The following EBF2 variants were observed in gnomAD, a reference collection of about 807,000 sequenced individuals.
EBF2 encodes transcription factor COE2.
EBF2 carries 21 observed loss-of-function variants against 72.8 expected under a neutral mutation model. The observed-to-expected ratio is 0.29, with a 90% confidence interval of 0.20 to 0.42. EBF2 has a LOEUF of 0.42. Among genes scored for constraint, EBF2 ranks in the 10% least tolerant of loss-of-function variants. The probability of loss-of-function intolerance (pLI) is 1.00; values close to 1 mark genes in which losing one functional copy is unlikely to be tolerated. For synonymous variants in EBF2, 299 were observed against 274.2 expected (o/e 1.09, Z -0.89); for missense variants, 637 against 731.2 (o/e 0.87, Z 1.49).
Position 26,044,979 on chromosome 8 carries a change from G to C in EBF2, c.-120C>G. On this transcript the variant is annotated 5_prime_UTR_variant, in exon 1 of 16. Transcript: ENST00000520164. This position sits in a 1 kb window ranked among gnomAD's most constrained non-coding sequence, Gnocchi z 4.1. ...AGCAATCCAAGAAAAGGGATCAAGT[G>C]CCCAAGTTTGAGTCTTAGAAAAAAA... 1 of 1,108,292 alleles carries C rather than the reference G, an allele frequency of 9.0e-7. No individual in the cohort carries two copies. Among genetic ancestry groups the C allele is most frequent in the Non-Finnish European group, 1.3e-6 (1 of 791,608 alleles). 68.7% of individuals were successfully genotyped at this position (1,108,292 alleles called of 1,614,324 possible).
At chr8:25,864,834 G>C (rs1286785073) in intron 10 of EBF2, among the ~76,000 whole-genome samples, 8 of 144,580 alleles carry the variant, frequency 5.5e-5, no homozygotes, top group Non-Finnish European at 1.0e-4. Context: ...GTCTCACTCT[G>C]TCACCCAGGC....
At chr8:25,869,647 T>C (rs1414493683) in intron 10 of EBF2, among the ~76,000 whole-genome samples, 1 of 152,160 alleles carries the variant, frequency 6.6e-6, no homozygotes, top group African/African-American at 2.4e-5. Flanking sequence ...TAGCCGTATG[T>C]TTAAGTAGAA....
At chr8:25,879,222 C>A (rs1029737725) in intron 10 of EBF2, among the ~76,000 whole-genome samples, 4 of 152,068 alleles carry the variant, frequency 2.6e-5, no homozygotes, top group Non-Finnish European at 5.9e-5. Context: ...ATCACAGATG[C>A]CTTTCATGTA....
chr8:25,916,934 G>C (rs1390728727), intron 6 of EBF2, among the ~76,000 whole-genome samples: 1 of 152,086 alleles, frequency 6.6e-6, no homozygotes, highest in Non-Finnish European at 1.5e-5. Flanking sequence ...CATTCATTTA[G>C]ACATCAGGAA....
At chr8:25,992,459 T>C (rs1315547067) in intron 6 of EBF2, among the ~76,000 whole-genome samples, 2 of 151,550 alleles carry the variant, frequency 1.3e-5, no homozygotes, top group East Asian at 3.9e-4. Flanking sequence ...CTGCACAACG[T>C]GTCTCATGGT....
At chr8:25,928,794 A>AAC (rs1803432360) in intron 6 of EBF2, among the ~76,000 whole-genome samples, 1 of 150,912 alleles carries the variant, frequency 6.6e-6, no homozygotes, top group African/African-American at 2.4e-5. Flanking sequence ...AAAAAAAAAA[A>AAC]AAAAAAACCA....
chr8:26,012,537 C>A (rs1284891854), intron 6 of EBF2, among the ~76,000 whole-genome samples: 1 of 152,124 alleles, frequency 6.6e-6, no homozygotes, highest in Non-Finnish European at 1.5e-5. Flanking sequence ...CAGGCCCTTT[C>A]ATTTATACCA....
chr8:25,941,415 A>T (rs1226900484), intron 6 of EBF2, among the ~76,000 whole-genome samples: 1 of 152,240 alleles, frequency 6.6e-6, no homozygotes, highest in Non-Finnish European at 1.5e-5. Flanking sequence ...CACGTTCGTC[A>T]GGCTGGTCTC....
At chr8:25,878,073 G>C (rs1466858060) in intron 10 of EBF2, among the ~76,000 whole-genome samples, 1 of 152,194 alleles carries the variant, frequency 6.6e-6, no homozygotes, top group Non-Finnish European at 1.5e-5. Flanking sequence ...GTGACCGGAT[G>C]AAAGTACACA....
chr8:25,944,623 C>T (rs1381089492), intron 6 of EBF2, among the ~76,000 whole-genome samples: 2 of 147,034 alleles, frequency 1.4e-5, no homozygotes, highest in African/African-American at 2.5e-5. Context: ...ATATAATCTA[C>T]AATATACATT....
In EBF2 at chr8:26,044,675, A is replaced by C; in HGVS notation, c.131+54T>G. 6.3e-7 allele frequency: 1 copy of C among 1,590,084 alleles called. No homozygotes were observed. The highest frequency in any genetic ancestry group is 8.6e-7 in the Non-Finnish European group (1 of 1,164,140). The stretch of plus-strand genomic sequence containing the variant: ...GTGCGCGGGGGGGGTGCACACGGAG[A>C]GACAGACCGTAAGAGCGAGAGACAG... On this transcript the variant is annotated intron_variant, in intron 1 of 15. Transcript: ENST00000520164. This position sits in a 1 kb window ranked among gnomAD's most constrained non-coding sequence, Gnocchi z 4.1.
At chr8:25,910,560 T>C (rs1803109708) in intron 6 of EBF2, among the ~76,000 whole-genome samples, 1 of 152,208 alleles carries the variant, frequency 6.6e-6, no homozygotes, top group South Asian at 2.1e-4. Flanking sequence ...AAGGCATTAT[T>C]ATATGAATGG....
At chr8:25,994,561 A>T (rs145674233) in intron 6 of EBF2, among the ~76,000 whole-genome samples, 2 of 152,242 alleles carry the variant, frequency 1.3e-5, no homozygotes, top group Non-Finnish European at 2.9e-5. Flanking sequence ...GGTGAACTGG[A>T]TAAGGAAAAG....
At chr8:25,858,170 G>A (rs761714302) in intron 14 of EBF2, 149 bp downstream of exon 14, 62 of 1,008,530 alleles carry the variant, frequency 6.1e-5, no homozygotes, top group East Asian at 6.0e-4. Context: ...GGAAAAGAAC[G>A]AAAGGCAGGA....
Position 25,862,774 on chromosome 8 carries a change from A to T in EBF2, c.1033T>A (p.Tyr345Asn). 1 of 1,602,690 alleles carries T rather than the reference A, an allele frequency of 6.2e-7. No individual in the cohort carries two copies. Among genetic ancestry groups the T allele is most frequent in the Non-Finnish European group, 8.5e-7 (1 of 1,173,658 alleles). ...ACCTTCTGCAGTCTCTGGAAGCCATAGTCTATGGTGGGTTCATTTAATGCT... is the reference window on the plus strand; with the variant it reads ...ACCTTCTGCAGTCTCTGGAAGCCATTGTCTATGGTGGGTTCATTTAATGCT... ...YTALNEPTID[Y>N]GFQRLQKVIP... Residue 345 changes from tyrosine to asparagine, a missense_variant, in exon 11 of 16, where the codon TAT (tyrosine) becomes AAT (asparagine). By Grantham distance (143) the Tyr-to-Asn change is moderately radical. This residue lies in a region of EBF2 where 204 missense variants were observed against 301.2 expected (regional missense o/e 0.68). Transcript: ENST00000520164.
In EBF2 at chr8:25,859,436, A is replaced by G. The variant is rs556263631; in HGVS notation, c.1343-932T>C. On this transcript the variant is annotated intron_variant, in intron 13 of 15. Coordinates refer to ENST00000520164, the MANE Select transcript of EBF2 (RefSeq NM_022659.4). ...CAAGTGGGGATCAATTTCATTCAAA[A>G]AGTGTGGATGAGTTCCCCTAAAATG... Among the ~76,000 whole-genome samples, 10 of 152,244 alleles carry G rather than the reference A, an allele frequency of 6.6e-5. No individual in the cohort carries two copies. The East Asian group carries it at 1.7e-3, about 27-fold the overall frequency.
At chr8:25,886,191 C>A (rs564233590) in intron 10 of EBF2, among the ~76,000 whole-genome samples, 1 of 152,310 alleles carries the variant, frequency 6.6e-6, no homozygotes, top group African/African-American at 2.4e-5. Flanking sequence ...ATGAATTCAC[C>A]AGTTGTTCTT....
intron 8 of EBF2, among the ~76,000 whole-genome samples, chr8:25,889,268 C>T (rs534330346): frequency 2.0e-5 from 3 of 152,176 alleles, no homozygotes; most frequent in South Asian, 2.1e-4. Flanking sequence ...TAACAGTTAC[C>T]GGTATTTCTA....
At chr8:25,852,570 T>C (rs1320810256) in intron 14 of EBF2, among the ~76,000 whole-genome samples, 5 of 152,160 alleles carry the variant, frequency 3.3e-5, no homozygotes, top group Non-Finnish European at 1.5e-5. Flanking sequence ...AATTATTTTC[T>C]AATAACAGAT....
Sources: allele counts gnomAD v4.1 joint callset (sites outside exome capture counted in the v4.1 genomes callset), GRCh38; gene constraint gnomAD v4.1.1; regional missense constraint gnomAD v4.1.1; non-coding constraint Gnocchi (gnomAD v3.1); transcripts MANE v1.5; gene names NCBI Gene and HGNC (gene_info 2026-07-23, HGNC 2026-07-21).